LAMB4: variants seen among roughly 807,000 people sequenced by gnomAD.
The protein encoded by LAMB4 is laminin subunit beta 4.
In LAMB4, 196 loss-of-function variants were observed where a neutral mutation model predicts 199.2. That is an observed-to-expected ratio of 0.98 (90% confidence interval 0.88 to 1.11). The LOEUF is 1.11. Among genes scored for constraint, LAMB4 ranks in the 50% least tolerant of loss-of-function variants. The pLI, the probability that LAMB4 is intolerant of heterozygous loss-of-function variation, is 0.00. For missense variants in LAMB4, 2,080 were observed against 2,171.2 expected (o/e 0.96, Z 0.83); for synonymous variants, 744 against 770.6 (o/e 0.97, Z 0.57).
intron 17 of LAMB4, among the ~76,000 whole-genome samples, chr7:108,070,834 G>A (rs868340845): frequency 1.3e-5 from 2 of 152,226 alleles, no homozygotes; most frequent in Middle Eastern, 3.4e-3. Flanking sequence ...AAAGTCATCT[G>A]TATTTACCAG....
At chr7:108,121,593 T>C (rs1023418862) in intron 2 of LAMB4, among the ~76,000 whole-genome samples, 5 of 151,770 alleles carry the variant, frequency 3.3e-5, no homozygotes, top group African/African-American at 1.2e-4. Flanking sequence ...CTACTAAAAA[T>C]ACAAAAAATT....
At chr7:108,111,250 G>C (rs1166282247) in intron 4 of LAMB4, among the ~76,000 whole-genome samples, 1 of 152,186 alleles carries the variant, frequency 6.6e-6, no homozygotes, top group Non-Finnish European at 1.5e-5. Flanking sequence ...TAGGAATCTG[G>C]ATGGTCAGCG....
chr7:108,043,558 T>C (rs1324843539), intron 29 of LAMB4, among the ~76,000 whole-genome samples, 194 bp downstream of exon 29: 2 of 19,234 alleles, frequency 1.0e-4, no homozygotes, highest in Non-Finnish European at 1.7e-4. Context: ...TTTTTTTTTT[T>C]TTTTTTTTTT....
At chr7:108,075,028 A>G (rs754104259) in intron 17 of LAMB4, among the ~76,000 whole-genome samples, 22 of 152,116 alleles carry the variant, frequency 1.4e-4, no homozygotes, top group Non-Finnish European at 3.1e-4. Flanking sequence ...GTGATCTGGG[A>G]CTTCATTAGT....
In LAMB4 at chr7:108,055,883, T is replaced by A. The variant is rs76448794; in HGVS notation, c.3504A>T (p.Glu1168Asp). The A allele has an allele frequency of 6.2e-7, 1 of 1,614,194 alleles. No individual in the cohort carries two copies. The highest frequency in any genetic ancestry group is 2.2e-5 in the East Asian group (1 of 44,872). ...AGTGACATTGAAGACAAGTAGGGAA[T>A]TCCTGGCTGTGTCCCCGGGCACAGC... ...CDRCARGHSQ[E>D]FPTCLQCHLC... The change falls in exon 25 of 34, where the codon GAA becomes GAT. Residue 1168 changes from glutamate to aspartate, a missense_variant. Transcript: ENST00000388781.
At chr7:108,124,441 C>T (rs1584799493) in intron 1 of LAMB4, among the ~76,000 whole-genome samples, 1 of 151,896 alleles carries the variant, frequency 6.6e-6, no homozygotes, top group African/African-American at 2.4e-5. Flanking sequence ...GTGCATATAA[C>T]CATATATGTA....
Position 108,104,610 on chromosome 7 carries a change from G to A in LAMB4, c.880C>T (p.Gln294Ter), listed in dbSNP as rs145069809. Residue 294 changes from glutamine (Q) to a stop codon, truncating the protein, a stop_gained, in exon 9 of 34, where the codon CAG (glutamine) becomes TAG (stop). Transcript: ENST00000388781. LOFTEE classifies it high-confidence loss of function. ...VFSPPGMVHG[Q>*]CVCQHNTDGP... ...TCTGTATTGTGCTGACACACACACT[G>A]ACCGTGAACCTGCATTGTGCAATAA... is the stretch of plus-strand genomic sequence containing the variant. The A allele has an allele frequency of 1.5e-5, 25 of 1,613,886 alleles. No homozygotes were observed. Among genetic ancestry groups the A allele is most frequent in the Non-Finnish European group, 1.9e-5 (23 of 1,179,974 alleles).
chr7:108,103,079 G>T lies in LAMB4; in HGVS notation c.1145C>A (p.Pro382Gln), dbSNP rs779473364. The T allele has an allele frequency of 1.2e-6, 2 of 1,609,986 alleles. No individual in the cohort carries two copies. The highest frequency in any genetic ancestry group is 1.7e-6 in the Non-Finnish European group (2 of 1,176,902). The change falls in exon 10 of 34, where the codon CCG becomes CAG. Residue 382 changes from proline (P) to glutamine (Q), a missense_variant. By Grantham distance (76) the Pro-to-Gln change is moderately conservative. Transcript: ENST00000388781. The stretch of plus-strand genomic sequence containing the variant: ...GTAGGGATCTGAGATGGTCTTGAGC[G>T]GGTCCCTGTAGAAGAGGGGTCTGCA... ...DRCRPLFYRD[P>Q]LKTISDPYAC... is the part of the protein sequence containing the mutation.
chr7:108,075,525 A>G (rs2036668134), intron 17 of LAMB4: 1 of 152,254 alleles, frequency 6.6e-6, no homozygotes, highest in Non-Finnish European at 1.5e-5. Context: ...GATTCTCACA[A>G]ATATACAAAA....
chr7:108,123,296 T>C (rs2038663948), intron 1 of LAMB4, 99 bp from the exon 2 acceptor site: 2 of 635,758 alleles, frequency 3.1e-6, no homozygotes, highest in Non-Finnish European at 5.4e-6. Context: ...ATGGTTCTTA[T>C]GCTTTAGACA....
intron 28 of LAMB4, among the ~76,000 whole-genome samples, chr7:108,045,202 G>A (rs112194338): frequency 3.9e-5 from 6 of 152,190 alleles, no homozygotes; most frequent in African/African-American, 1.4e-4. Flanking sequence ...AGTAAGAATG[G>A]ATTGCAGTAA....
Position 108,105,878 on chromosome 7 carries a change from TG to T in LAMB4, c.808del (p.His270MetfsTer76). 1 of 1,614,232 alleles carries T rather than the reference TG, an allele frequency of 6.2e-7. No homozygotes were observed. The highest frequency in any genetic ancestry group is 8.5e-7 in the Non-Finnish European group (1 of 1,180,044). On this transcript the variant is annotated frameshift_variant, in exon 8 of 34. Transcript: ENST00000388781. LOFTEE classifies it high-confidence loss of function. ...CTGCATAGGGCGACATTCGCTAGCA[TG>T]GCCATTGCAAAAGCAGCTTCCCCGA... The part of the protein sequence containing the change: ...IVRGSCFCNG[H>X]ASECRPMQKM...
At chr7:108,014,537 C>T in the LAMB4 span, among the ~76,000 whole-genome samples, 1 of 151,998 alleles carries the variant, frequency 6.6e-6, no homozygotes, top group Admixed American at 6.6e-5. Context: ...ATTCATCTCC[C>T]CAAAGTGGGT....
intron 31 of LAMB4, among the ~76,000 whole-genome samples, chr7:108,031,356 AGAAAAAG>A (rs2035029858): frequency 1.4e-5 from 2 of 141,526 alleles, no homozygotes; most frequent in African/African-American, 2.6e-5. Context: ...AAGAAAAAAA[AGAAAAAG>A]GAAAAGAAAA....
chr7:108,038,081 G>A (rs1433076087), intron 29 of LAMB4, among the ~76,000 whole-genome samples: 1 of 152,128 alleles, frequency 6.6e-6, no homozygotes, highest in Non-Finnish European at 1.5e-5. Context: ...TATACCTGAT[G>A]CTACAACTCA....
intron 5 of LAMB4, 99 bp from the exon 6 acceptor site, chr7:108,107,918 C>T (rs2038083409): frequency 1.2e-6 from 1 of 853,034 alleles, no homozygotes; most frequent in Non-Finnish European, 1.8e-6. Context: ...TTTTTAAAAA[C>T]TTTAGGTGTA....
chr7:108,067,991 TC>T, intron 19 of LAMB4, 24 bp downstream of exon 19: 1 of 1,614,080 alleles, frequency 6.2e-7, no homozygotes, highest in South Asian at 1.1e-5. Context: ...AGCAAGTGTT[TC>T]CCCTTGTGTG....
chr7:108,127,568 C>T (rs1213781547), intron 1 of LAMB4, among the ~76,000 whole-genome samples: 1 of 152,140 alleles, frequency 6.6e-6, no homozygotes, highest in Non-Finnish European at 1.5e-5. Context: ...TCTCTCAGAA[C>T]CAGGCAAACT....
At chr7:108,097,006 T>C (rs1422816922) in intron 11 of LAMB4, among the ~76,000 whole-genome samples, 1 of 97,760 alleles carries the variant, frequency 1.0e-5, no homozygotes, top group Non-Finnish European at 2.1e-5. Flanking sequence ...CACACCAAAA[T>C]AATGTTCAGC....
Sources: gnomAD v4.1 joint callset for allele counts (sites outside exome capture counted in the v4.1 genomes callset) on GRCh38, gnomAD v4.1.1 for gene constraint, MANE v1.5 for transcripts, NCBI Gene and HGNC (gene_info 2026-07-23, HGNC 2026-07-21) for gene names.